SIK3: variants seen among roughly 807,000 people sequenced by gnomAD.
SIK3 encodes SIK family kinase 3, also known as serine/threonine-protein kinase SIK3.
SIK3 carries 28 observed loss-of-function variants against 144.2 expected under a neutral mutation model. The ratio of observed to expected loss-of-function variants is 0.19; its 90% CI spans 0.14 to 0.27. The LOEUF is 0.27. Ranked by LOEUF, SIK3 falls within the 10% of genes least tolerant of loss-of-function variation. The probability of loss-of-function intolerance (pLI) is 1.00; values close to 1 mark genes in which losing one functional copy is unlikely to be tolerated. For missense variants in SIK3, 1,319 were observed against 1,776.0 expected (o/e 0.74, Z 4.62); for synonymous variants, 686 against 676.3 (o/e 1.01, Z -0.22).
At position 116,870,272 on chromosome 11, in the gene SIK3, G is replaced by A. The variant is rs1014824247; in HGVS notation, c.1808+59C>T. On this transcript the variant is annotated intron_variant, in intron 14 of 24. Transcript: ENST00000445177. ...CCTCCTTGGGCAGAGGTGACCTTTC[G>A]CTGGTTGCAGGGGAGCCTGCCCAGG... is the stretch of plus-strand genomic sequence containing the variant. 1.0e-5 allele frequency: 16 copies of A among 1,607,940 alleles called. 1 individual carries two copies. The highest frequency in any genetic ancestry group is 3.3e-5 in the South Asian group (3 of 90,050).
chr11:116,845,274 A>T lies in SIK3; in HGVS notation c.*369T>A, dbSNP rs933930013. The T allele has an allele frequency of 5.9e-4, 87 of 146,628 alleles. No individual in the cohort carries two copies. Among genetic ancestry groups the T allele is most frequent in the Admixed American group, 5.3e-3 (81 of 15,188 alleles). The allele number at this position is 146,628 out of a possible 1,614,324, so 9.1% of individuals were successfully genotyped here. ...TCCTGTTTCAAAAAAGGAACGAAAG[A>T]AAAAAAAGAAAGGAAGAAAAAAAAG... is the stretch of plus-strand genomic sequence containing the variant. On this transcript the variant is annotated 3_prime_UTR_variant, in exon 25 of 25. Coordinates refer to ENST00000445177, the MANE Select transcript of SIK3 (RefSeq NM_001366686.3).
chr11:116,994,742 A>G (rs192408343), intron 1 of SIK3, among the ~76,000 whole-genome samples: 1 of 152,302 alleles, frequency 6.6e-6, no homozygotes, highest in East Asian at 1.9e-4. Flanking sequence ...ACACCAAACT[A>G]AAACATACGG....
intron 1 of SIK3, among the ~76,000 whole-genome samples, chr11:117,063,607 A>G (rs376843350): frequency 2.2e-5 from 3 of 136,574 alleles, no homozygotes; most frequent in African/African-American, 5.5e-5. Flanking sequence ...TTTTTTTTAG[A>G]TGGAATCTCA....
At chr11:116,971,277 A>T (rs1161853509) in intron 1 of SIK3, among the ~76,000 whole-genome samples, 1 of 152,232 alleles carries the variant, frequency 6.6e-6, no homozygotes, top group Non-Finnish European at 1.5e-5. Flanking sequence ...GGTCAAATTA[A>T]TTAAACTGTA....
At chr11:116,986,543 T>C (rs1489608181) in intron 1 of SIK3, among the ~76,000 whole-genome samples, 1 of 152,200 alleles carries the variant, frequency 6.6e-6, no homozygotes, top group Non-Finnish European at 1.5e-5. Context: ...GCTTTGAGCT[T>C]AACAGAGAAA....
intron 22 of SIK3, among the ~76,000 whole-genome samples, chr11:116,848,003 A>T (rs902673960): frequency 2.0e-5 from 3 of 152,178 alleles, no homozygotes; most frequent in Non-Finnish European, 4.4e-5. Context: ...AGTAGCCACA[A>T]GTGGCTACTG....
At chr11:116,980,696 T>TA (rs1950110223) in intron 1 of SIK3, among the ~76,000 whole-genome samples, 1 of 151,842 alleles carries the variant, frequency 6.6e-6, no homozygotes, top group African/African-American at 2.4e-5. Flanking sequence ...CTACTAAAAA[T>TA]AAAAAACTTG....
intron 6 of SIK3, among the ~76,000 whole-genome samples, chr11:116,889,844 C>T (rs1036913760): frequency 2.6e-5 from 4 of 152,160 alleles, no homozygotes; most frequent in Admixed American, 2.6e-4. Flanking sequence ...CTGCAGTGAG[C>T]CAAGATCACG....
chr11:117,075,494 G>A (rs185774914), intron 1 of SIK3, among the ~76,000 whole-genome samples: 25 of 151,136 alleles, frequency 1.7e-4, no homozygotes, highest in Admixed American at 1.3e-3. Flanking sequence ...CTTGCTATAC[G>A]TATCTATGTG....
At chr11:117,079,229 A>C (rs1216197151) in intron 1 of SIK3, among the ~76,000 whole-genome samples, 4 of 152,252 alleles carry the variant, frequency 2.6e-5, no homozygotes, top group Non-Finnish European at 5.9e-5. Flanking sequence ...ATCATAATTA[A>C]AGCTGTACAG....
intron 1 of SIK3, among the ~76,000 whole-genome samples, chr11:116,982,897 TCACA>T (rs1950194403): frequency 8.2e-6 from 1 of 121,376 alleles, no homozygotes; most frequent in African/African-American, 3.2e-5. Flanking sequence ...TGAGCTCAGA[TCACA>T]CCACTGCACT....
intron 4 of SIK3, among the ~76,000 whole-genome samples, chr11:116,905,712 C>T (rs1945994667): frequency 6.6e-6 from 1 of 152,164 alleles, no homozygotes; most frequent in African/African-American, 2.4e-5. Context: ...TCCCTGATGG[C>T]TAATAATATT....
chr11:116,882,694 G>C (rs1944609118), intron 6 of SIK3, among the ~76,000 whole-genome samples: 1 of 152,166 alleles, frequency 6.6e-6, no homozygotes. Context: ...CAGGTGCTCA[G>C]AAGAAGGGGA....
chr11:117,069,690 A>G (rs1013989613), intron 1 of SIK3, among the ~76,000 whole-genome samples: 1 of 152,076 alleles, frequency 6.6e-6, no homozygotes, highest in African/African-American at 2.4e-5. Flanking sequence ...AGTACCCTCT[A>G]TTCTCCTTCT....
At chr11:117,083,379 C>T (rs1565627137) in intron 1 of SIK3, among the ~76,000 whole-genome samples, 1 of 152,094 alleles carries the variant, frequency 6.6e-6, no homozygotes, top group African/African-American at 2.4e-5. Flanking sequence ...CATTTAATTA[C>T]CTCCCAGAAT....
intron 1 of SIK3, among the ~76,000 whole-genome samples, chr11:116,998,203 A>T (rs1467862081): frequency 1.3e-5 from 2 of 152,088 alleles, no homozygotes; most frequent in African/African-American, 4.8e-5. Context: ...GCAAGGAAAG[A>T]AAAGTAAGTA....
intron 1 of SIK3, among the ~76,000 whole-genome samples, chr11:117,007,116 G>A (rs779529216): frequency 6.6e-6 from 1 of 152,296 alleles, no homozygotes; most frequent in African/African-American, 2.4e-5. Flanking sequence ...AGTGGCTCAC[G>A]CCTGTAATCT....
At chr11:117,039,131 G>GT (rs1952638233) in intron 1 of SIK3, among the ~76,000 whole-genome samples, 1 of 152,106 alleles carries the variant, frequency 6.6e-6, no homozygotes, top group Non-Finnish European at 1.5e-5. Flanking sequence ...TGAGACTACT[G>GT]TAATTCTTAG....
At chr11:117,003,253 G>C (rs914810827) in intron 1 of SIK3, among the ~76,000 whole-genome samples, 2 of 152,158 alleles carry the variant, frequency 1.3e-5, no homozygotes, top group African/African-American at 4.8e-5. Flanking sequence ...AATTGACCAA[G>C]CTGCATGTGC....
Sources: gnomAD v4.1 joint callset for allele counts (sites outside exome capture counted in the v4.1 genomes callset) on GRCh38, gnomAD v4.1.1 for gene constraint, MANE v1.5 for transcripts, NCBI Gene and HGNC (gene_info 2026-07-23, HGNC 2026-07-21) for gene names.